Variants in NTM observed in about 807,000 individuals in gnomAD.
The protein encoded by NTM is IgLON family member 2.
Under a neutral mutation model 42.1 loss-of-function variants are expected in NTM, and 13 were observed. The observed-to-expected ratio is 0.31, with a 90% confidence interval of 0.20 to 0.49. NTM has a LOEUF of 0.49. Among genes scored for constraint, NTM ranks in the 20% least tolerant of loss-of-function variants. NTM has a pLI of 0.99. For synonymous variants in NTM, 187 were observed against 179.2 expected, an observed-to-expected ratio of 1.04 and a Z score of -0.35; for missense variants, 373 against 452.8, an observed-to-expected ratio of 0.82 and a Z score of 1.60.
chr11:132,175,751 G>C (rs1392118646), intron 3 of NTM, among the ~76,000 whole-genome samples: 2 of 151,942 alleles, frequency 1.3e-5, no homozygotes, highest in Non-Finnish European at 2.9e-5. Context: ...CCATGCCTGG[G>C]TATTAAATCC....
intron 1 of NTM, among the ~76,000 whole-genome samples, chr11:131,687,782 C>A (rs2074095131): frequency 6.6e-6 from 1 of 152,036 alleles, no homozygotes. Context: ...GGTCTGGTGG[C>A]GGAAGGGCTG....
chr11:131,989,973 A>G (rs1273112193), intron 2 of NTM, among the ~76,000 whole-genome samples: 1 of 152,110 alleles, frequency 6.6e-6, no homozygotes, highest in African/African-American at 2.4e-5. Flanking sequence ...TCTTTCATGC[A>G]AGAAGTTGTA....
At chr11:132,204,308 T>C (rs1213989785) in intron 3 of NTM, among the ~76,000 whole-genome samples, 1 of 152,258 alleles carries the variant, frequency 6.6e-6, no homozygotes, top group Non-Finnish European at 1.5e-5. Context: ...GTCATTTCAA[T>C]TTGTTTGCAT....
intron 1 of NTM, among the ~76,000 whole-genome samples, chr11:131,776,789 C>T (rs562010325): frequency 2.6e-5 from 4 of 152,296 alleles, no homozygotes; most frequent in Middle Eastern, 3.4e-3. Context: ...GATCCAGGTT[C>T]CTTCTGTCCT....
At chr11:131,618,415 A>T (rs116798671) in intron 1 of NTM, among the ~76,000 whole-genome samples, 1 of 152,374 alleles carries the variant, frequency 6.6e-6, no homozygotes, top group African/African-American at 2.4e-5. Flanking sequence ...ATGGATACAG[A>T]TGTTGCAAAA....
At chr11:131,872,501 G>T (rs891591806) in intron 1 of NTM, among the ~76,000 whole-genome samples, 50 of 152,172 alleles carry the variant, frequency 3.3e-4, no homozygotes, top group Non-Finnish European at 1.6e-4. Context: ...AAGCCATCCT[G>T]CTCACATTAC....
chr11:131,994,769 C>T (rs889464222), intron 2 of NTM, among the ~76,000 whole-genome samples: 1 of 152,134 alleles, frequency 6.6e-6, no homozygotes, highest in African/African-American at 2.4e-5. Context: ...TCTATTTCTC[C>T]AGCTGCTGTT....
chr11:131,914,777 G>C (rs1277879547), intron 2 of NTM, among the ~76,000 whole-genome samples: 1 of 152,190 alleles, frequency 6.6e-6, no homozygotes, highest in Non-Finnish European at 1.5e-5. Context: ...AGGTAAAACA[G>C]AATCTGCATT....
intron 1 of NTM, among the ~76,000 whole-genome samples, chr11:131,905,253 G>T (rs1465061240): frequency 6.6e-6 from 1 of 152,178 alleles, no homozygotes; most frequent in African/African-American, 2.4e-5. Context: ...GTGAATATTT[G>T]ACTTCTGGTC....
intron 1 of NTM, among the ~76,000 whole-genome samples, chr11:131,852,582 C>T (rs1420054179): frequency 2.6e-5 from 4 of 152,136 alleles, no homozygotes; most frequent in Admixed American, 6.5e-5. Context: ...CTGGCAGATG[C>T]TCATGGAATC....
intron 2 of NTM, among the ~76,000 whole-genome samples, chr11:131,994,004 CAA>C (rs745908192): frequency 3.1e-5 from 3 of 95,566 alleles, no homozygotes; most frequent in African/African-American, 3.5e-5. Context: ...ACTCCATCTC[CAA>C]AAAAAAAAAA....
intron 1 of NTM, among the ~76,000 whole-genome samples, chr11:131,646,093 C>A (rs2065741265): frequency 6.6e-6 from 1 of 152,228 alleles, no homozygotes; most frequent in Non-Finnish European, 1.5e-5. Context: ...CCTGGGCAGG[C>A]TTCAAGGGCA....
At chr11:132,173,669 A>C (rs559034663) in intron 3 of NTM, among the ~76,000 whole-genome samples, 2 of 152,272 alleles carry the variant, frequency 1.3e-5, no homozygotes, top group South Asian at 4.1e-4. Context: ...CAGCTTGTGG[A>C]GGAAGTAGGG....
At chr11:131,783,912 A>G (rs1441624664) in intron 1 of NTM, among the ~76,000 whole-genome samples, 1 of 152,228 alleles carries the variant, frequency 6.6e-6, no homozygotes, top group East Asian at 1.9e-4. Flanking sequence ...ACCATAATCT[A>G]TAAAACAGTC....
At chr11:132,067,660 G>A (rs1017011314) in intron 2 of NTM, among the ~76,000 whole-genome samples, 6 of 152,202 alleles carry the variant, frequency 3.9e-5, no homozygotes, top group African/African-American at 1.4e-4. Flanking sequence ...AATCCAGTAG[G>A]GCAAATTCCA....
chr11:131,812,498 C>T (rs2092779065), intron 1 of NTM, among the ~76,000 whole-genome samples: 1 of 152,032 alleles, frequency 6.6e-6, no homozygotes, highest in East Asian at 1.9e-4. Context: ...CTCCATCCCT[C>T]CTTTTTCCTT....
chr11:131,826,564 T>TAAAAAAA (rs61647362), intron 1 of NTM, among the ~76,000 whole-genome samples: 1 of 143,542 alleles, frequency 7.0e-6, no homozygotes. Context: ...CGTAATATTC[T>TAAAAAAA]AAAAAAAAAA....
rs117788277 is a variant in NTM, at chr11:131,552,245, C to T, written c.82+181357C>T. On this transcript the variant is annotated intron_variant, in intron 1 of 8. Coordinates refer to ENST00000683400, the MANE Select transcript of NTM (RefSeq NM_001352005.2). ...TGCCAACATCGAGTGTTGATAACGA[C>T]GTCATGTCATGGTAAGTATCACGCA... Among the ~76,000 whole-genome samples the T allele has an allele frequency of 6.6e-5, 10 of 152,244 alleles. No homozygotes were observed. In the East Asian group the frequency reaches 1.2e-3, roughly 18 times the overall value.
At chr11:132,056,167 T>C (rs1431863164) in intron 2 of NTM, among the ~76,000 whole-genome samples, 1 of 152,218 alleles carries the variant, frequency 6.6e-6, no homozygotes, top group Non-Finnish European at 1.5e-5. Context: ...AAAGTGTTTA[T>C]TTTTATTCAG....
Sources: allele counts gnomAD v4.1 joint callset (sites outside exome capture counted in the v4.1 genomes callset), GRCh38; gene constraint gnomAD v4.1.1; transcripts MANE v1.5; gene names NCBI Gene and HGNC (gene_info 2026-07-23, HGNC 2026-07-21).